Variants in CELF2 observed in about 807,000 individuals in gnomAD.
CELF2 encodes the protein CUGBP Elav-like family member 2, also known as CUG triplet repeat RNA-binding protein 2.
A neutral mutation model predicts 62.6 loss-of-function variants in CELF2; 8 were observed. That is an observed-to-expected ratio of 0.13 (90% CI 0.07 to 0.23). CELF2 has a LOEUF of 0.23. Ranked by LOEUF, CELF2 falls within the 10% of genes least tolerant of loss-of-function variation. CELF2 has a pLI of 1.00. For missense variants in CELF2, 333 were observed against 671.0 expected (o/e 0.50, Z 5.56); for synonymous variants, 258 against 250.0 (o/e 1.03, Z -0.30).
At chr10:10,798,481 T>C, upstream of CELF2, 1 of 329,478 alleles carries the variant, frequency 3.0e-6, no homozygotes, top group Non-Finnish European at 5.5e-6. Flanking sequence ...GTGAGAGCTG[T>C]GCTTGGAATA....
the CELF2 span, among the ~76,000 whole-genome samples, chr10:10,759,558 C>A: frequency 6.6e-6 from 1 of 152,094 alleles, no homozygotes; most frequent in South Asian, 2.1e-4. Flanking sequence ...GATCACCCGC[C>A]TCGGCCTCGC....
At chr10:10,531,789 T>C in the CELF2 span, among the ~76,000 whole-genome samples, 1 of 152,220 alleles carries the variant, frequency 6.6e-6, no homozygotes, top group African/African-American at 2.4e-5. Context: ...GATTGTTTAA[T>C]TGGAAACTCA....
At chr10:10,514,750 A>G in the CELF2 span, among the ~76,000 whole-genome samples, 1 of 152,198 alleles carries the variant, frequency 6.6e-6, no homozygotes, top group Non-Finnish European at 1.5e-5. Flanking sequence ...TTGACAACAG[A>G]GGTGCTTTTA....
chr10:10,520,699 G>T, the CELF2 span, among the ~76,000 whole-genome samples: 1 of 152,056 alleles, frequency 6.6e-6, no homozygotes, highest in African/African-American at 2.4e-5. Context: ...GCAGCCAGAC[G>T]ATATTTCACA....
chr10:10,636,811 A>G, the CELF2 span, among the ~76,000 whole-genome samples: 1 of 152,148 alleles, frequency 6.6e-6, no homozygotes, highest in Non-Finnish European at 1.5e-5. Context: ...TATGAAGGGG[A>G]GGGGTTCACC....
Position 11,300,740 on chromosome 10 carries a change from G to A in CELF2, c.976+12188G>A, listed in dbSNP as rs755802926. 3.3e-5 allele frequency among the ~76,000 whole-genome samples: 5 copies of A among 152,146 alleles called. No homozygotes were observed. The highest frequency in any genetic ancestry group is 4.8e-5 in the African/African-American group (2 of 41,418). ...CTCACAATCTTTTCCTGCGCAGTTG[G>A]AATTCCGCATCCAAGCTCGTTTGAG... On this transcript the variant is annotated intron_variant, in intron 9 of 12. Coordinates refer to ENST00000633077, the MANE Select transcript of CELF2 (RefSeq NM_001326342.2). This position sits in a 1 kb window ranked among gnomAD's most constrained non-coding sequence, Gnocchi z 5.5.
At chr10:10,655,346 T>A in the CELF2 span, among the ~76,000 whole-genome samples, 1 of 118,168 alleles carries the variant, frequency 8.5e-6, no homozygotes, top group Non-Finnish European at 1.9e-5. Context: ...ACCAATGACT[T>A]TCTTCACAGA....
chr10:10,920,846 G>A (rs754973367), intron 2 of CELF2, among the ~76,000 whole-genome samples: 8 of 152,054 alleles, frequency 5.3e-5, no homozygotes, highest in Non-Finnish European at 1.0e-4. Context: ...AGAAACTTAG[G>A]AAGGGAGGGA....
In CELF2 at chr10:11,194,889, G is replaced by A. The variant is rs548611846; in HGVS notation, c.272-22536G>A. On this transcript the variant is annotated intron_variant, in intron 2 of 12. Coordinates refer to ENST00000633077, the MANE Select transcript of CELF2 (RefSeq NM_001326342.2). ...GTACCATCTGGGTTACAAAAATCCC[G>A]ATGCGTCTTTGTTGGACAAGCCAGG... Among the ~76,000 whole-genome samples the A allele has an allele frequency of 4.1e-4, 62 of 152,260 alleles. 1 individual carries two copies. The South Asian group carries it at 0.011, about 28-fold the overall frequency.
chr10:11,291,358 G>C (rs1253372789), intron 9 of CELF2, among the ~76,000 whole-genome samples: 1 of 152,058 alleles, frequency 6.6e-6, no homozygotes, highest in Middle Eastern at 3.2e-3. Context: ...ATTTTAAACA[G>C]TCTTGGCTTT....
chr10:11,186,336 A>T (rs1346055650), intron 2 of CELF2, among the ~76,000 whole-genome samples: 4 of 65,364 alleles, frequency 6.1e-5, no homozygotes, highest in African/African-American at 1.1e-4. Context: ...CTTTCACTTT[A>T]ATTGTTATTG....
At chr10:10,942,426 G>A (rs1465477145) in intron 2 of CELF2, among the ~76,000 whole-genome samples, 3 of 152,272 alleles carry the variant, frequency 2.0e-5, no homozygotes, top group Non-Finnish European at 2.9e-5. Context: ...GTTTCTTATG[G>A]TCTATTGGAA....
chr10:10,760,942 C>A, the CELF2 span, among the ~76,000 whole-genome samples: 8 of 152,224 alleles, frequency 5.3e-5, no homozygotes, highest in Admixed American at 3.9e-4. Context: ...ATCTTAAGAG[C>A]AATGGGAAGT....
intron 1 of CELF2, among the ~76,000 whole-genome samples, chr10:11,042,065 T>G (rs2061942189): frequency 6.6e-6 from 1 of 152,228 alleles, no homozygotes; most frequent in Non-Finnish European, 1.5e-5. Flanking sequence ...GATTTTTGCA[T>G]GATCAAAATT....
chr10:11,183,837 A>G (rs570918230), intron 2 of CELF2, among the ~76,000 whole-genome samples: 1 of 152,340 alleles, frequency 6.6e-6, no homozygotes, highest in South Asian at 2.1e-4. Flanking sequence ...GTACTTCACT[A>G]GATACACGTT....
chr10:11,224,041 A>AT lies in CELF2; in HGVS notation c.354+6539dup, dbSNP rs139312757. On this transcript the variant is annotated intron_variant, in intron 3 of 12. Coordinates refer to ENST00000633077, the MANE Select transcript of CELF2 (RefSeq NM_001326342.2). This position sits in a 1 kb window ranked among gnomAD's most constrained non-coding sequence, Gnocchi z 4.5. ...CTTTGATTAAAATAAAAAACTAGTT[A>AT]TTTTTAAAGCATGGCCTACTCGGTA... Among the ~76,000 whole-genome samples, 9,377 of 152,212 alleles carry AT rather than the reference A, an allele frequency of 0.062. 409 individuals carry two copies. The highest frequency in any genetic ancestry group is 0.12 in the African/African-American group (5,081 of 41,516).
chr10:10,508,637 C>T, the CELF2 span, among the ~76,000 whole-genome samples: 1 of 150,152 alleles, frequency 6.7e-6, no homozygotes, highest in African/African-American at 2.5e-5. Context: ...TCAATACTTC[C>T]CTCACCCAGA....
chr10:10,491,240 A>C, the CELF2 span, among the ~76,000 whole-genome samples: 4 of 152,286 alleles, frequency 2.6e-5, no homozygotes, highest in African/African-American at 9.6e-5. Flanking sequence ...AAATCTATTC[A>C]ATATATTTTT....
chr10:10,577,162 GA>G, the CELF2 span, among the ~76,000 whole-genome samples: 1 of 152,118 alleles, frequency 6.6e-6, no homozygotes, highest in Non-Finnish European at 1.5e-5. Context: ...TAAATGATGA[GA>G]ATATCTCAGG....
Sources: allele counts gnomAD v4.1 joint callset (sites outside exome capture counted in the v4.1 genomes callset), GRCh38; gene constraint gnomAD v4.1.1; non-coding constraint Gnocchi (gnomAD v3.1); transcripts MANE v1.5; gene names NCBI Gene and HGNC (gene_info 2026-07-23, HGNC 2026-07-21).